The following CEP112 variants were observed in gnomAD, a reference collection of about 807,000 sequenced individuals.
CEP112 encodes the protein centrosomal protein of 112 kDa.
CEP112 carries 127 observed loss-of-function variants against 153.0 expected under a neutral mutation model. That is an observed-to-expected ratio of 0.83 (90% CI 0.72 to 0.96). The LOEUF is 0.96. CEP112 is among the 40% of genes least tolerant of loss of function. CEP112 has a pLI of 0.00. For synonymous variants in CEP112, 358 were observed against 374.4 expected (o/e 0.96, Z 0.51); for missense variants, 1,089 against 1,101.2 (o/e 0.99, Z 0.16).
chr17:65,879,370 C>T (rs1232280562), intron 20 of CEP112, among the ~76,000 whole-genome samples: 1 of 152,200 alleles, frequency 6.6e-6, no homozygotes, highest in African/African-American at 2.4e-5. Flanking sequence ...CCCCTGGAAC[C>T]TCCAGAAGGA....
chr17:66,100,956 CA>C (rs1696599460), intron 6 of CEP112, among the ~76,000 whole-genome samples: 2 of 152,066 alleles, frequency 1.3e-5, no homozygotes, highest in African/African-American at 4.8e-5. Flanking sequence ...GGAACATCAG[CA>C]TTTGCTGATT....
intron 19 of CEP112, among the ~76,000 whole-genome samples, chr17:65,910,997 G>A (rs2060262806): frequency 6.6e-6 from 1 of 152,192 alleles, no homozygotes; most frequent in Non-Finnish European, 1.5e-5. Flanking sequence ...AAAAGGCAAT[G>A]GATGATGTGT....
intron 21 of CEP112, among the ~76,000 whole-genome samples, chr17:65,821,608 G>C (rs1285291827): frequency 7.6e-6 from 1 of 131,358 alleles, no homozygotes; most frequent in African/African-American, 3.0e-5. Flanking sequence ...CTGGAGCACA[G>C]TGGTGCGATC....
intron 20 of CEP112, 84 bp downstream of exon 20, chr17:65,902,068 T>A: frequency 1.3e-6 from 1 of 759,368 alleles, no homozygotes; most frequent in Non-Finnish European, 1.9e-6. Context: ...ACAGCGTGCA[T>A]CAATAAGAAT....
chr17:65,829,334 T>C (rs767068258), intron 21 of CEP112, among the ~76,000 whole-genome samples: 5 of 152,112 alleles, frequency 3.3e-5, no homozygotes, highest in East Asian at 1.9e-4. Context: ...ACCAGGCCCA[T>C]AGAGAATTTT....
chr17:65,643,679 G>A (rs1270524516), intron 24 of CEP112, among the ~76,000 whole-genome samples: 2 of 152,166 alleles, frequency 1.3e-5, no homozygotes, highest in African/African-American at 4.8e-5. Flanking sequence ...TGAGCTCATT[G>A]CCATCCAGAA....
intron 6 of CEP112, among the ~76,000 whole-genome samples, chr17:66,121,764 A>AC (rs1465256412): frequency 4.7e-5 from 7 of 150,492 alleles, no homozygotes; most frequent in Non-Finnish European, 8.9e-5. Flanking sequence ...TACAGTGGCT[A>AC]TGCCTCCTGA....
chr17:66,091,447 G>A (rs1420263448), intron 8 of CEP112, among the ~76,000 whole-genome samples: 1 of 152,062 alleles, frequency 6.6e-6, no homozygotes, highest in Non-Finnish European at 1.5e-5. Flanking sequence ...CAGCTACTAT[G>A]TCAAAGAAGA....
chr17:65,729,474 G>C (rs1456066643), intron 23 of CEP112, among the ~76,000 whole-genome samples: 1 of 151,964 alleles, frequency 6.6e-6, no homozygotes, highest in East Asian at 1.9e-4. Flanking sequence ...ATATTAAATT[G>C]ATCATTCAGT....
At chr17:66,069,603 C>G (rs995289331) in intron 9 of CEP112, among the ~76,000 whole-genome samples, 1 of 151,964 alleles carries the variant, frequency 6.6e-6, no homozygotes, top group African/African-American at 2.4e-5. Flanking sequence ...TTTCAACTTT[C>G]ATGAAAGGTA....
intron 16 of CEP112, among the ~76,000 whole-genome samples, chr17:66,009,383 T>C (rs1757805044): frequency 6.6e-6 from 1 of 152,212 alleles, no homozygotes; most frequent in Non-Finnish European, 1.5e-5. Flanking sequence ...CTTGGCCCAT[T>C]TTTTAAACAT....
chr17:66,049,120 C>A (rs1443996568), intron 12 of CEP112, among the ~76,000 whole-genome samples: 1 of 152,116 alleles, frequency 6.6e-6, no homozygotes. Context: ...CAACAGTGGT[C>A]CTGTGGTATT....
chr17:66,157,895 T>C (rs1022867837), intron 4 of CEP112, among the ~76,000 whole-genome samples: 2 of 152,122 alleles, frequency 1.3e-5, no homozygotes, highest in Non-Finnish European at 2.9e-5. Flanking sequence ...AAGCAAGTTT[T>C]TAGAGACCTA....
intron 24 of CEP112, among the ~76,000 whole-genome samples, chr17:65,679,202 A>G (rs888186338): frequency 3.4e-5 from 4 of 118,392 alleles, no homozygotes. Flanking sequence ...TCAAACTGTC[A>G]CGGAGAATAA....
intron 4 of CEP112, among the ~76,000 whole-genome samples, chr17:66,152,502 G>A (rs1332261175): frequency 6.6e-6 from 1 of 152,144 alleles, no homozygotes; most frequent in Non-Finnish European, 1.5e-5. Context: ...AAAATTCTCA[G>A]CCTCTCTAGA....
chr17:65,970,733 C>A (rs1489935470), intron 17 of CEP112, among the ~76,000 whole-genome samples: 1 of 71,730 alleles, frequency 1.4e-5, no homozygotes. Flanking sequence ...TTATCACATG[C>A]ATGTGTTAAT....
At chr17:66,053,447 G>T (rs1023522982) in intron 12 of CEP112, among the ~76,000 whole-genome samples, 2 of 151,546 alleles carry the variant, frequency 1.3e-5, no homozygotes, top group South Asian at 4.2e-4. Context: ...AGGCCATGCC[G>T]TTGCACTCCA....
chr17:66,039,665 A>C (rs1432628698), intron 12 of CEP112, among the ~76,000 whole-genome samples: 1 of 152,156 alleles, frequency 6.6e-6, no homozygotes, highest in Non-Finnish European at 1.5e-5. Flanking sequence ...ATAAATTCTG[A>C]TAACTTTTTT....
rs535011651 is a variant in CEP112, at chr17:65,668,092, C to T, written c.2697+21037G>A. Among the ~76,000 whole-genome samples the T allele has an allele frequency of 3.9e-5, 6 of 152,144 alleles. No homozygotes were observed. The South Asian group carries it at 6.2e-4, about 16-fold the overall frequency. On this transcript the variant is annotated intron_variant, in intron 24 of 26. Coordinates refer to ENST00000535342, the MANE Select transcript of CEP112 (RefSeq NM_001199165.4). ...TCGTATTTTTAGTAGAGATGGTTTTCGCCATGTTGGCCAGGCTGGTCTCGA... is the reference window on the plus strand; with the variant it reads ...TCGTATTTTTAGTAGAGATGGTTTTTGCCATGTTGGCCAGGCTGGTCTCGA...
Sources: allele counts gnomAD v4.1 joint callset (sites outside exome capture counted in the v4.1 genomes callset), GRCh38; gene constraint gnomAD v4.1.1; transcripts MANE v1.5; gene names NCBI Gene and HGNC (gene_info 2026-07-23, HGNC 2026-07-21).